U2SURP: variants seen among roughly 807,000 people sequenced by gnomAD.
The protein encoded by U2SURP is U2 snRNP associated SURP domain containing, also known as U2 snRNP-associated SURP motif-containing protein.
A neutral mutation model predicts 144.9 loss-of-function variants in U2SURP; 9 were observed. That is an observed-to-expected ratio of 0.06 (90% CI 0.04 to 0.11). U2SURP has a LOEUF of 0.11. Among genes scored for constraint, U2SURP ranks in the 10% least tolerant of loss-of-function variants. U2SURP has a pLI of 1.00. For missense variants in U2SURP, 724 were observed against 1,226.7 expected (o/e 0.59, Z 6.12); for synonymous variants, 408 against 396.8 (o/e 1.03, Z -0.33).
intron 24 of U2SURP, among the ~76,000 whole-genome samples, chr3:143,049,836 C>A (rs1934757519): frequency 6.6e-6 from 1 of 152,042 alleles, no homozygotes; most frequent in African/African-American, 2.4e-5. Flanking sequence ...AAATTAAGCT[C>A]ACTTATTGCA....
In U2SURP at chr3:143,040,449, A is replaced by G. The variant is rs115953857; in HGVS notation, c.2384+1489A>G. On this transcript the variant is annotated intron_variant, in intron 23 of 27. Coordinates refer to ENST00000473835, the MANE Select transcript of U2SURP (RefSeq NM_001080415.2). ...CCTTGAAATGTTCTCATGCCTCACT[A>G]CTACTCTCTAGTGGCTGAATCCTAA... Among the ~76,000 whole-genome samples, 1,365 of 151,988 alleles carry G rather than the reference A, an allele frequency of 9.0e-3. 13 individuals are homozygous for G. Among genetic ancestry groups the G allele is most frequent in the African/African-American group, 0.031 (1,278 of 41,542 alleles).
At position 143,021,330 on chromosome 3, in the gene U2SURP, C is replaced by CT. The variant is rs766401592; in HGVS notation, c.734-18dup. 1 of 1,577,672 alleles carries CT rather than the reference C, an allele frequency of 6.3e-7. No individual in the cohort carries two copies. On this transcript the variant is annotated intron_variant, in intron 8 of 27. Transcript: ENST00000473835. The stretch of plus-strand genomic sequence containing the variant: ...CTGTATTATAAAAACTAATAATTGT[C>CT]TTCTTTTCTCCCCTTTAAGTGGACG...
At chr3:143,037,461 T>C (rs1430434531) in intron 21 of U2SURP, 126 bp downstream of exon 21, 2 of 918,868 alleles carry the variant, frequency 2.2e-6, no homozygotes, top group African/African-American at 1.7e-5. Flanking sequence ...TATTAACTTT[T>C]CTATTTCTGA....
intron 14 of U2SURP, 77 bp downstream of exon 14, chr3:143,027,330 A>T: frequency 9.8e-7 from 1 of 1,023,646 alleles, no homozygotes; most frequent in Non-Finnish European, 1.5e-6. Context: ...TATACAGTTC[A>T]GTGTCATTAA....
chr3:143,031,461 A>ACCACCACCCTAACCTTCAGCTG (rs1553842565), intron 16 of U2SURP, among the ~76,000 whole-genome samples: 1 of 145,046 alleles, frequency 6.9e-6, no homozygotes, highest in African/African-American at 2.5e-5. Context: ...ACCTTCAGCT[A>ACCACCACCCTAACCTTCAGCTG]CCACCACCCT....
At chr3:143,035,017 TG>T in intron 19 of U2SURP, 42 bp downstream of exon 19, 1 of 170,234 alleles carries the variant, frequency 5.9e-6, no homozygotes, top group Non-Finnish European at 1.3e-5. Context: ...GTGTTTTAAA[TG>T]GGTGGGGGGA....
chr3:143,015,483 A>G (rs1330999715), intron 4 of U2SURP, among the ~76,000 whole-genome samples: 4 of 151,878 alleles, frequency 2.6e-5, no homozygotes, highest in Non-Finnish European at 5.9e-5. Flanking sequence ...GTTTTCCTCT[A>G]CTACTGAATG....
intron 1 of U2SURP, among the ~76,000 whole-genome samples, chr3:143,007,703 A>G (rs928992507): frequency 1.3e-5 from 2 of 152,078 alleles, no homozygotes; most frequent in Admixed American, 6.5e-5. Context: ...TTGGCCTCCC[A>G]AAGTGCTGAG....
At chr3:143,033,967 T>C (rs748399094) in intron 18 of U2SURP, among the ~76,000 whole-genome samples, 1 of 152,184 alleles carries the variant, frequency 6.6e-6, no homozygotes, top group Non-Finnish European at 1.5e-5. Context: ...ATAGAAACAG[T>C]GTATATACTG....
chr3:143,052,048 T>TC (rs1934899374), intron 25 of U2SURP, among the ~76,000 whole-genome samples: 1 of 152,154 alleles, frequency 6.6e-6, no homozygotes, highest in Non-Finnish European at 1.5e-5. Context: ...GTTTAAAAGT[T>TC]GCCCTCTATA....
intron 1 of U2SURP, among the ~76,000 whole-genome samples, chr3:143,010,469 C>T (rs1393551305): frequency 2.0e-5 from 3 of 152,140 alleles, no homozygotes; most frequent in Non-Finnish European, 2.9e-5. Context: ...AGTGCTGTGG[C>T]AGTAAACGAT....
In U2SURP at chr3:143,001,692, T is replaced by C. The variant is rs1935533644; in HGVS notation, c.45+19T>C. On this transcript the variant is annotated intron_variant, in intron 1 of 27. Transcript: ENST00000473835. ...TTCAAAGGTAATTTCTGACAAAATT[T>C]CGTAAGTCAGCGGATCTACCACTGT... The C allele has an allele frequency of 1.2e-6, 2 of 1,613,478 alleles. No homozygotes were observed. The highest frequency in any genetic ancestry group is 2.2e-5 in the South Asian group (2 of 90,912).
At chr3:143,031,299 T>G (rs897791742) in intron 16 of U2SURP, among the ~76,000 whole-genome samples, 5 of 151,986 alleles carry the variant, frequency 3.3e-5, no homozygotes, top group African/African-American at 9.7e-5. Flanking sequence ...CTCCTCTGGG[T>G]AAAATGTTAA....
chr3:143,010,351 T>C (rs1322886927), intron 1 of U2SURP, among the ~76,000 whole-genome samples: 1 of 152,176 alleles, frequency 6.6e-6, no homozygotes, highest in African/African-American at 2.4e-5. Flanking sequence ...CTTTGCAGAA[T>C]TTGTACCTTT....
chr3:143,011,004 C>T (rs1377490575), intron 2 of U2SURP, 145 bp downstream of exon 2: 14 of 448,932 alleles, frequency 3.1e-5, no homozygotes, highest in South Asian at 1.2e-4. Context: ...AGGCGCCTTC[C>T]TTTTTTTTTT....
intron 1 of U2SURP, among the ~76,000 whole-genome samples, chr3:143,003,432 C>A (rs1935640754): frequency 6.6e-6 from 1 of 152,138 alleles, no homozygotes; most frequent in Non-Finnish European, 1.5e-5. Context: ...TCTGGAGCCT[C>A]AATTCCCTCA....
chr3:143,050,988 A>G lies in U2SURP; in HGVS notation c.2594A>G (p.Lys865Arg), dbSNP rs752963239. 1.4e-5 allele frequency: 23 copies of G among 1,613,376 alleles called. No homozygotes were observed. Among genetic ancestry groups the G allele is most frequent in the Non-Finnish European group, 1.9e-5 (23 of 1,179,628 alleles). The change falls in exon 25 of 28, where the codon AAA becomes AGA. Residue 865 changes from lysine (K) to arginine (R), a missense_variant. Lys to Arg is a conservative substitution (Grantham distance 26, BLOSUM62 2). Transcript: ENST00000473835. ...GAATTGGAATCTGGGAAAAGACCTA[A>G]AAAACCAGGCCAGAGTTTTCAGGAG... The part of the protein sequence containing the change: ...QDELESGKRP[K>R]KPGQSFQEQV...
intron 13 of U2SURP, 157 bp from the exon 14 acceptor site, chr3:143,026,991 AG>A (rs1358424008): frequency 1.4e-5 from 8 of 577,454 alleles, no homozygotes; most frequent in African/African-American, 3.8e-5. Flanking sequence ...TTAATGCACA[AG>A]GCATTAACAT....
At position 143,058,997 on chromosome 3, in the gene U2SURP, C is replaced by G. The variant is rs1463520729; in HGVS notation, c.*2547C>G. On this transcript the variant is annotated 3_prime_UTR_variant, in exon 28 of 28. Coordinates refer to ENST00000473835, the MANE Select transcript of U2SURP (RefSeq NM_001080415.2). ...CAGGGATTGTTTACTAGGTTAATGACATTTAACTCCCCTCTCTTCTGTAGG... is the reference window on the plus strand; with the variant it reads ...CAGGGATTGTTTACTAGGTTAATGAGATTTAACTCCCCTCTCTTCTGTAGG... 1 of 151,918 alleles carries G rather than the reference C, an allele frequency of 6.6e-6. No homozygotes were observed. Among genetic ancestry groups the G allele is most frequent in the Non-Finnish European group, 1.5e-5 (1 of 67,794 alleles). 9.4% of individuals were successfully genotyped at this position (151,918 alleles called of 1,614,324 possible).
Sources: allele counts gnomAD v4.1 joint callset (sites outside exome capture counted in the v4.1 genomes callset), GRCh38; gene constraint gnomAD v4.1.1; transcripts MANE v1.5; gene names NCBI Gene and HGNC (gene_info 2026-07-23, HGNC 2026-07-21).